ANKRD55: variants seen among roughly 807,000 people sequenced by gnomAD.
ANKRD55 encodes ankyrin repeat domain 55.
ANKRD55 carries 41 observed loss-of-function variants against 60.6 expected under a neutral mutation model. That is an observed-to-expected ratio of 0.68 (90% CI 0.53 to 0.88). ANKRD55 has a LOEUF of 0.88. Ranked by LOEUF, ANKRD55 falls within the 40% of genes least tolerant of loss-of-function variation. The pLI is 0.00. For synonymous variants in ANKRD55, 264 were observed against 290.3 expected (o/e 0.91, Z 0.92); for missense variants, 732 against 767.6 (o/e 0.95, Z 0.55).
rs748752592 is a variant in ANKRD55 at position 56,176,290 on chromosome 5, G to C, written c.182-8C>G. 6.2e-7 allele frequency: 1 copy of C among 1,614,192 alleles called. No individual in the cohort carries two copies. The highest frequency in any genetic ancestry group is 8.5e-7 in the Non-Finnish European group (1 of 1,180,018). On this transcript the variant is annotated splice_region_variant and splice_polypyrimidine_tract_variant and intron_variant, in intron 3 of 11. Transcript: ENST00000341048. ...GCATCAAGGGCGTGCATCCTGGAAT[G>C]AGACATTTCAACAGCCTTTAAACAT... is the stretch of plus-strand genomic sequence containing the variant.
intron 1 of ANKRD55, 65 bp from the exon 2 acceptor site, chr5:56,233,011 T>C: frequency 4.5e-6 from 5 of 1,121,968 alleles, no homozygotes; most frequent in Non-Finnish European, 6.7e-6. Context: ...CAGCATCGTT[T>C]GCCAAGACCT....
At chr5:56,140,226 T>C (rs1037665909) in intron 7 of ANKRD55, among the ~76,000 whole-genome samples, 11 of 152,314 alleles carry the variant, frequency 7.2e-5, no homozygotes, top group African/African-American at 2.6e-4. Context: ...CCCTGTGTTA[T>C]AAATGAACAA....
At chr5:56,117,067 GGTT>G (rs1176352719) in intron 8 of ANKRD55, 3 of 252,182 alleles carry the variant, frequency 1.2e-5, no homozygotes, top group Non-Finnish European at 2.2e-5. Context: ...ACAGTTTTGA[GGTT>G]CTTTATACAT....
intron 9 of ANKRD55, 81 bp downstream of exon 9, chr5:56,116,534 C>A: frequency 8.1e-7 from 1 of 1,237,184 alleles, no homozygotes; most frequent in Non-Finnish European, 1.1e-6. Context: ...TTGGTTTGCA[C>A]CTTGGCAATT....
At chr5:56,120,923 G>C (rs937029501) in intron 8 of ANKRD55, among the ~76,000 whole-genome samples, 27 of 147,642 alleles carry the variant, frequency 1.8e-4, no homozygotes, top group African/African-American at 6.7e-4. Context: ...AAAAAAAGAT[G>C]GTGTGACAAG....
chr5:56,104,608 T>G (rs1010646950), intron 10 of ANKRD55, among the ~76,000 whole-genome samples: 1 of 151,942 alleles, frequency 6.6e-6, no homozygotes, highest in Non-Finnish European at 1.5e-5. Context: ...AAAAAAAGGA[T>G]AGGAAATGTT....
At chr5:56,226,470 A>T (rs926049426) in intron 2 of ANKRD55, among the ~76,000 whole-genome samples, 5 of 152,222 alleles carry the variant, frequency 3.3e-5, no homozygotes, top group Admixed American at 3.3e-4. Context: ...ACAAAAGCCA[A>T]AATTGACAAA....
intron 10 of ANKRD55, among the ~76,000 whole-genome samples, chr5:56,108,966 G>T (rs564683307): frequency 6.6e-6 from 1 of 151,878 alleles, no homozygotes; most frequent in Non-Finnish European, 1.5e-5. Flanking sequence ...GAACCCAGGA[G>T]GCGGATGTTG....
At chr5:56,170,186 C>A (rs913966130) in intron 5 of ANKRD55, among the ~76,000 whole-genome samples, 3 of 152,180 alleles carry the variant, frequency 2.0e-5, no homozygotes, top group African/African-American at 7.2e-5. Context: ...AGACATTAAC[C>A]TTTCTGCCCA....
At position 56,178,242 on chromosome 5, in the gene ANKRD55, T is replaced by G. The variant is rs191179411; in HGVS notation, c.182-1960A>C. On this transcript the variant is annotated intron_variant, in intron 3 of 11. Transcript: ENST00000341048. ...TCTTGCTCTGTTGCCCAGGCTGGAG[T>G]GCAGTGGTGTGATCATGGCTCCCTG... Among the ~76,000 whole-genome samples the G allele has an allele frequency of 1.1e-4, 16 of 150,954 alleles. No homozygotes were observed. In the East Asian group the frequency reaches 3.1e-3, roughly 29 times the overall value.
At chr5:56,159,649 A>G (rs955209363) in intron 6 of ANKRD55, among the ~76,000 whole-genome samples, 184 bp downstream of exon 6, 2 of 152,200 alleles carry the variant, frequency 1.3e-5, no homozygotes, top group African/African-American at 2.4e-5. Context: ...ACACACACCC[A>G]TGGTGGGGAT....
chr5:56,157,189 C>A (rs199788597), intron 6 of ANKRD55, among the ~76,000 whole-genome samples: 1 of 151,336 alleles, frequency 6.6e-6, no homozygotes, highest in Admixed American at 6.6e-5. Context: ...GGATTTAGGG[C>A]TATGCAGGAT....
intron 2 of ANKRD55, among the ~76,000 whole-genome samples, chr5:56,230,950 A>C (rs777801574): frequency 2.0e-5 from 3 of 147,214 alleles, no homozygotes; most frequent in Admixed American, 6.7e-5. Flanking sequence ...ATTGAATATC[A>C]GGCATTGCTA....
chr5:56,127,326 T>G (rs1019985525), intron 7 of ANKRD55: 13 of 985,218 alleles, frequency 1.3e-5, no homozygotes, highest in Non-Finnish European at 1.6e-5. Context: ...GATTTTTGTC[T>G]CCCACAGGAG....
At chr5:56,113,846 T>C (rs1580943695) in intron 9 of ANKRD55, among the ~76,000 whole-genome samples, 1 of 151,986 alleles carries the variant, frequency 6.6e-6, no homozygotes, top group South Asian at 2.1e-4. Flanking sequence ...GATGGGGTTT[T>C]GCCATCTTGG....
chr5:56,102,113 G>A lies in ANKRD55; in HGVS notation c.1723+381C>T, dbSNP rs145996034. Among the ~76,000 whole-genome samples, 20 of 152,238 alleles carry A rather than the reference G, an allele frequency of 1.3e-4. No homozygotes were observed. The South Asian group carries it at 1.4e-3, about 11-fold the overall frequency. On this transcript the variant is annotated intron_variant, in intron 11 of 11. Coordinates refer to ENST00000341048, the MANE Select transcript of ANKRD55 (RefSeq NM_024669.3). ...TTGAAAAATGAAAGTAGGGCTGGGC[G>A]TGGTGGCTCACGCCTGTAATCCTAG... is the stretch of plus-strand genomic sequence containing the variant.
At chr5:56,198,234 TAG>T (rs1759271417) in intron 2 of ANKRD55, among the ~76,000 whole-genome samples, 1 of 152,222 alleles carries the variant, frequency 6.6e-6, no homozygotes, top group Non-Finnish European at 1.5e-5. Context: ...GCTCTCAAGA[TAG>T]TTGCCCTACT....
At chr5:56,101,301 G>A (rs576578764) in intron 11 of ANKRD55, among the ~76,000 whole-genome samples, 3 of 152,190 alleles carry the variant, frequency 2.0e-5, no homozygotes, top group East Asian at 3.9e-4. Context: ...TGTTATGGAC[G>A]GTGAGGAAAC....
At chr5:56,132,183 T>C (rs557276884) in intron 7 of ANKRD55, among the ~76,000 whole-genome samples, 12 of 152,016 alleles carry the variant, frequency 7.9e-5, no homozygotes, top group African/African-American at 2.7e-4. Context: ...TTTCGATTAG[T>C]TGTAAACATA....
Sources: allele counts gnomAD v4.1 joint callset (sites outside exome capture counted in the v4.1 genomes callset), GRCh38; gene constraint gnomAD v4.1.1; transcripts MANE v1.5; gene names NCBI Gene and HGNC (gene_info 2026-07-23, HGNC 2026-07-21).